Variants in NPAT observed in about 807,000 individuals in gnomAD.
NPAT encodes protein NPAT.
In NPAT, 52 loss-of-function variants were observed where a neutral mutation model predicts 130.7. The observed-to-expected ratio is 0.40, with a 90% CI of 0.32 to 0.50. The LOEUF (loss-of-function observed/expected upper bound fraction) is 0.50, where lower values mean the gene tolerates loss of function less well. NPAT is among the 20% of genes least tolerant of loss of function. The probability of loss-of-function intolerance (pLI) is 0.68; values close to 1 mark genes in which losing one functional copy is unlikely to be tolerated. For missense variants in NPAT, 1,687 were observed against 1,662.6 expected (o/e 1.01, Z -0.26); for synonymous variants, 580 against 584.8 (o/e 0.99, Z 0.12).
At chr11:108,187,298 A>C (rs1400512725) in intron 7 of NPAT, among the ~76,000 whole-genome samples, 1 of 152,132 alleles carries the variant, frequency 6.6e-6, no homozygotes, top group East Asian at 1.9e-4. Context: ...CAAAAAATAA[A>C]AAAATTAGCT....
At position 108,158,882 on chromosome 11, in the gene NPAT, T is replaced by TA. The variant is rs2077820129; in HGVS notation, c.*59dup. On this transcript the variant is annotated 3_prime_UTR_variant, in exon 18 of 18. Transcript: ENST00000278612. The stretch of plus-strand genomic sequence containing the variant: ...CAGATTCTGTCAATATCCCATTCCC[T>TA]ACACTCAGTTTAAGGGATATGAGTT... The TA allele has an allele frequency of 1.0e-6, 1 of 969,476 alleles. No individual in the cohort carries two copies. The highest frequency in any genetic ancestry group is 1.6e-5 in the African/African-American group (1 of 62,784). 60.1% of individuals were successfully genotyped at this position (969,476 alleles called of 1,614,324 possible). A position where few individuals can be genotyped will look rare whatever the true frequency, so the allele number is the denominator to read the frequency against.
intron 17 of NPAT, among the ~76,000 whole-genome samples, chr11:108,160,649 G>A (rs78243683): frequency 0.082 from 12,549 of 152,174 alleles, 562 homozygotes; most frequent in Admixed American, 0.099. Context: ...CACCTTGTGC[G>A]TACTACACTA....
intron 10 of NPAT, among the ~76,000 whole-genome samples, chr11:108,184,138 G>A (rs2078082278): frequency 6.6e-6 from 1 of 152,172 alleles, no homozygotes; most frequent in Non-Finnish European, 1.5e-5. Context: ...TCACAGGCAA[G>A]TTGTCATTTG....
chr11:108,175,221 T>C (rs2077994115), intron 12 of NPAT, among the ~76,000 whole-genome samples: 1 of 152,218 alleles, frequency 6.6e-6, no homozygotes. Flanking sequence ...GTTAATTTCT[T>C]ACTGTGCCTA....
chr11:108,206,311 C>T lies in NPAT; in HGVS notation c.38-8891G>A, dbSNP rs558312192. Among the ~76,000 whole-genome samples, 22 of 152,272 alleles carry T rather than the reference C, an allele frequency of 1.4e-4. No individual in the cohort carries two copies. The South Asian group carries it at 1.9e-3, about 13-fold the overall frequency. ...TTGCTAGGGCCTGCTGGGTTTGTTC[C>T]GCCCACTTGGCCAAGCAGGCTGTGT... On this transcript the variant is annotated intron_variant, in intron 1 of 17. Coordinates refer to ENST00000278612, the MANE Select transcript of NPAT (RefSeq NM_002519.3).
intron 15 of NPAT, 101 bp from the exon 16 acceptor site, chr11:108,162,281 T>A (rs2077859678): frequency 2.0e-6 from 2 of 1,000,236 alleles, no homozygotes; most frequent in South Asian, 2.9e-5. Flanking sequence ...AAATTTTAAA[T>A]GGTAGCTAAT....
At chr11:108,214,915 G>T (rs1011102338) in intron 1 of NPAT, among the ~76,000 whole-genome samples, 3 of 152,218 alleles carry the variant, frequency 2.0e-5, no homozygotes, top group Non-Finnish European at 2.9e-5. Context: ...TTACACGCGT[G>T]AGCCACTGCA....
chr11:108,176,701 C>A (rs765109358), intron 11 of NPAT, among the ~76,000 whole-genome samples: 2 of 152,090 alleles, frequency 1.3e-5, no homozygotes, highest in African/African-American at 4.8e-5. Context: ...TCCCTTTGTA[C>A]GATTCAATTG....
intron 1 of NPAT, among the ~76,000 whole-genome samples, chr11:108,216,410 C>G (rs541748757): frequency 6.6e-6 from 1 of 152,142 alleles, no homozygotes; most frequent in South Asian, 2.1e-4. Context: ...AAGAAAATCT[C>G]CCTCTTTTTA....
chr11:108,163,059 GATTTATTTATTT>G (rs3081748), intron 15 of NPAT, among the ~76,000 whole-genome samples: 63 of 149,056 alleles, frequency 4.2e-4, no homozygotes, highest in South Asian at 2.3e-3. Context: ...TCCTTTAAGA[GATTTATTTATTT>G]ATTTATTTAT....
intron 15 of NPAT, among the ~76,000 whole-genome samples, chr11:108,166,965 T>C (rs1477695524): frequency 1.3e-5 from 2 of 152,182 alleles, no homozygotes; most frequent in African/African-American, 2.4e-5. Flanking sequence ...ATTTCTAACA[T>C]TTTTGGTTAG....
At chr11:108,160,214 T>C (rs998138252) in intron 17 of NPAT, among the ~76,000 whole-genome samples, 3 of 151,480 alleles carry the variant, frequency 2.0e-5, no homozygotes, top group Non-Finnish European at 1.5e-5. Flanking sequence ...TCCCAGCTAC[T>C]TGGGAAGCTG....
Position 108,173,221 on chromosome 11 carries a change from A to G in NPAT, c.1763T>C (p.Val588Ala). 1 of 1,613,422 alleles carries G rather than the reference A, an allele frequency of 6.2e-7. No individual in the cohort carries two copies. The highest frequency in any genetic ancestry group is 8.5e-7 in the Non-Finnish European group (1 of 1,179,668). ...SKIEINVLEPVMSQLSNCQDN... is the reference protein window; with the variant it reads ...SKIEINVLEPAMSQLSNCQDN... The stretch of plus-strand genomic sequence containing the variant: ...TTGGCAATTTGATAGCTGTGACATA[A>G]CTGGTTCTAACACATTAATTTCTAT... The change falls in exon 13 of 18, where the codon GTT becomes GCT. Residue 588 changes from valine (V) to alanine (A), a missense_variant. Val to Ala is a moderately conservative substitution (Grantham distance 64). This residue lies in a region of NPAT where 1,379 missense variants were observed against 1,346.6 expected (regional missense o/e 1.02). Coordinates refer to ENST00000278612, the MANE Select transcript of NPAT (RefSeq NM_002519.3).
chr11:108,190,554 C>T lies in NPAT; in HGVS notation c.291-54G>A, dbSNP rs189803461. 56 of 1,497,470 alleles carry T rather than the reference C, an allele frequency of 3.7e-5. 2 individuals are homozygous for T. In the African/African-American group the frequency reaches 5.2e-4, roughly 14 times the overall value. 92.8% of individuals were successfully genotyped at this position (1,497,470 alleles called of 1,614,324 possible). ...TCAAAAAATGTTTGTTGCTGACATC[C>T]ACTATGATTTAGTTACAGTCAGACC... is the stretch of plus-strand genomic sequence containing the variant. On this transcript the variant is annotated intron_variant, in intron 4 of 17. Transcript: ENST00000278612.
At chr11:108,189,807 T>C (rs868296714) in intron 5 of NPAT, among the ~76,000 whole-genome samples, 92 of 148,064 alleles carry the variant, frequency 6.2e-4, no homozygotes, top group African/African-American at 2.2e-3. Context: ...GAGGCGGAGC[T>C]TGCAGTGAGC....
chr11:108,169,929 T>C lies in NPAT; in HGVS notation c.2900A>G (p.Gln967Arg). The C allele has an allele frequency of 6.2e-7, 1 of 1,612,768 alleles. No homozygotes were observed. Reference sequence around the variant, plus strand: ...CCATTTTCAGTTCATAAATCTTACCTGCCGAGGAGGAGTAGAAAAGTTATT... The same window carrying C: ...CCATTTTCAGTTCATAAATCTTACCCGCCGAGGAGGAGTAGAAAAGTTATT... ...NGNNFSTPPR[Q>R]VLHMPLTAPV... Residue 967 changes from glutamine to arginine, a missense_variant and splice_region_variant, in exon 14 of 18, where the codon CAG becomes CGG. Coordinates refer to ENST00000278612, the MANE Select transcript of NPAT (RefSeq NM_002519.3).
At chr11:108,185,931 G>C (rs1050531397) in intron 8 of NPAT, among the ~76,000 whole-genome samples, 1 of 152,080 alleles carries the variant, frequency 6.6e-6, no homozygotes, top group Non-Finnish European at 1.5e-5. Flanking sequence ...CAGTTGTCCA[G>C]GCTGGTCTTG....
Position 108,160,911 on chromosome 11 carries a change from G to A in NPAT, c.4175C>T (p.Ser1392Leu), listed in dbSNP as rs1442999200. The stretch of plus-strand genomic sequence containing the variant: ...TTTCTTCTTTTTCATTGGTATTGAT[G>A]AATTTGTAAGATTTTTACTAGAAGG... Reference protein sequence around the residue: ...SRPSSKNLTNSSIPMKKKKIK... With the variant: ...SRPSSKNLTNLSIPMKKKKIK... The change falls in exon 17 of 18, where the codon TCA (serine) becomes TTA (leucine). Residue 1392 changes from serine (S) to leucine (L), a missense_variant. Ser to Leu is a moderately radical substitution (Grantham distance 145, BLOSUM62 -2). Coordinates refer to ENST00000278612, the MANE Select transcript of NPAT (RefSeq NM_002519.3). 6.2e-7 allele frequency: 1 copy of A among 1,613,940 alleles called. No homozygotes were observed. Among genetic ancestry groups the A allele is most frequent in the Non-Finnish European group, 8.5e-7 (1 of 1,179,964 alleles).
Position 108,172,980 on chromosome 11 carries a change from T to C in NPAT, c.2004A>G (p.Glu668=). 1 of 1,614,130 alleles carries C rather than the reference T, an allele frequency of 6.2e-7. No homozygotes were observed. Among genetic ancestry groups the C allele is most frequent in the South Asian group, 1.1e-5 (1 of 91,080 alleles). Residue 668 remains glutamate (E), a synonymous_variant, in exon 13 of 18, where the codon GAA becomes GAG. Transcript: ENST00000278612. ...NSQEPSSSVK[E]ENTIFLSLGG... ...CTAAAGAGAGAAAAATAGTATTCTC[T>C]TCTTTTACAGAAGATGAAGGCTCCT... is the stretch of plus-strand genomic sequence containing the variant.
Sources: allele counts gnomAD v4.1 joint callset (sites outside exome capture counted in the v4.1 genomes callset), GRCh38; gene constraint gnomAD v4.1.1; regional missense constraint gnomAD v4.1.1; transcripts MANE v1.5; gene names NCBI Gene and HGNC (gene_info 2026-07-23, HGNC 2026-07-21).